The following SMCHD1 variants were observed in gnomAD, a reference collection of about 807,000 sequenced individuals.
SMCHD1 encodes structural maintenance of chromosomes flexible hinge domain-containing protein 1.
In SMCHD1, 78 loss-of-function variants were observed where a neutral mutation model predicts 254.7. The observed-to-expected ratio is 0.31, with a 90% CI of 0.26 to 0.37. SMCHD1 has a LOEUF of 0.37. Ranked by LOEUF, SMCHD1 falls within the 10% of genes least tolerant of loss-of-function variation. The probability of loss-of-function intolerance (pLI) is 1.00; values close to 1 mark genes in which losing one functional copy is unlikely to be tolerated. For synonymous variants in SMCHD1, 766 were observed against 794.9 expected (o/e 0.96, Z 0.61); for missense variants, 1,840 against 2,408.1 (o/e 0.76, Z 4.94).
At chr18:2,669,675 T>A (rs1035102859) in intron 3 of SMCHD1, among the ~76,000 whole-genome samples, 4 of 152,208 alleles carry the variant, frequency 2.6e-5, no homozygotes, top group African/African-American at 9.7e-5. Flanking sequence ...GAAATGGTCA[T>A]TTTTAGTTAA....
chr18:2,703,791 A>G lies in SMCHD1; in HGVS notation c.1747A>G (p.Ile583Val). Residue 583 changes from isoleucine (I) to valine (V), a missense_variant, in exon 13 of 48, where the codon ATT becomes GTT. Physicochemically the swap from Ile to Val is conservative, Grantham distance 29. This residue lies in a region of SMCHD1 where 498 missense variants were observed against 743.5 expected (regional missense o/e 0.67). Transcript: ENST00000320876. ...AAAATTTACACTTTTTAAGGGAGTAATTACACGTCCTGATCTTCCTTCTAA... is the reference window on the plus strand; with the variant it reads ...AAAATTTACACTTTTTAAGGGAGTAGTTACACGTCCTGATCTTCCTTCTAA... ...QIKFTLFKGVITRPDLPSKKQ... is the reference protein window; with the variant it reads ...QIKFTLFKGVVTRPDLPSKKQ... 6.2e-7 allele frequency: 1 copy of G among 1,613,046 alleles called. No homozygotes were observed. Among genetic ancestry groups the G allele is most frequent in the Non-Finnish European group, 8.5e-7 (1 of 1,179,292 alleles).
intron 35 of SMCHD1, among the ~76,000 whole-genome samples, chr18:2,761,226 A>G (rs988311552): frequency 2.0e-5 from 3 of 152,186 alleles, no homozygotes; most frequent in African/African-American, 7.2e-5. Flanking sequence ...ACACACGGAC[A>G]CAAAGATGGG....
At chr18:2,791,263 G>A (rs2076160047) in intron 45 of SMCHD1, among the ~76,000 whole-genome samples, 2 of 152,134 alleles carry the variant, frequency 1.3e-5, no homozygotes, top group Non-Finnish European at 2.9e-5. Flanking sequence ...TTCTCACCAA[G>A]ATGGAATAAC....
At chr18:2,763,854 A>G in intron 37 of SMCHD1, 65 bp downstream of exon 37, 2 of 1,438,014 alleles carry the variant, frequency 1.4e-6, no homozygotes, top group Admixed American at 2.2e-5. Context: ...CACCATATTA[A>G]GACACCTTTT....
At position 2,703,843 on chromosome 18, in the gene SMCHD1, CA is replaced by C; in HGVS notation, c.1800del (p.Ala601GlnfsTer2). 6.2e-7 allele frequency: 1 copy of C among 1,611,846 alleles called. No individual in the cohort carries two copies. The highest frequency in any genetic ancestry group is 8.5e-7 in the Non-Finnish European group (1 of 1,178,918). On this transcript the variant is annotated frameshift_variant, in exon 13 of 48. Coordinates refer to ENST00000320876, the MANE Select transcript of SMCHD1 (RefSeq NM_015295.3). LOFTEE classifies it high-confidence loss of function. ...AAGCAAGGTCCCTGGGCAACATATG[CA>C]GCAATAGAATGGGATGGAAAGATAT... Reference protein sequence around the residue: ...SKKQGPWATYAAIEWDGKIYK... With the variant: ...SKKQGPWATYXAIEWDGKIYK...
At chr18:2,690,916 G>C (rs1184703958) in intron 7 of SMCHD1, among the ~76,000 whole-genome samples, 1 of 148,520 alleles carries the variant, frequency 6.7e-6, no homozygotes, top group Non-Finnish European at 1.5e-5. Flanking sequence ...TCAAAAGAAT[G>C]AGAAGGGGAG....
intron 45 of SMCHD1, among the ~76,000 whole-genome samples, chr18:2,791,805 G>A (rs527840551): frequency 6.6e-6 from 1 of 152,290 alleles, no homozygotes; most frequent in Admixed American, 6.5e-5. Context: ...TCACAGACAG[G>A]TTACTGGGAA....
At chr18:2,742,460 C>A (rs913754643) in intron 28 of SMCHD1, among the ~76,000 whole-genome samples, 3 of 152,114 alleles carry the variant, frequency 2.0e-5, no homozygotes, top group Non-Finnish European at 4.4e-5. Flanking sequence ...AAATTTGGAA[C>A]CCTAAGATAG....
At chr18:2,693,668 GT>G (rs1229460498) in intron 7 of SMCHD1, among the ~76,000 whole-genome samples, 2 of 152,082 alleles carry the variant, frequency 1.3e-5, no homozygotes, top group Non-Finnish European at 2.9e-5. Flanking sequence ...AGACATGCTT[GT>G]TGCCCAGGCT....
At chr18:2,659,010 T>G (rs1314366406) in intron 1 of SMCHD1, among the ~76,000 whole-genome samples, 1 of 152,158 alleles carries the variant, frequency 6.6e-6, no homozygotes, top group East Asian at 1.9e-4. Context: ...ACTTTTGTCC[T>G]TAGGGGAAGA....
intron 17 of SMCHD1, among the ~76,000 whole-genome samples, chr18:2,710,925 A>G (rs542496545): frequency 7.6e-6 from 1 of 132,036 alleles, no homozygotes; most frequent in Admixed American, 8.1e-5. Flanking sequence ...CCAGATAATT[A>G]TGTAGGTTTA....
intron 42 of SMCHD1, among the ~76,000 whole-genome samples, chr18:2,777,083 CT>C (rs1273725008): frequency 2.7e-5 from 4 of 146,042 alleles, no homozygotes; most frequent in Non-Finnish European, 4.5e-5. Context: ...TACCCTAATA[CT>C]TTTTGTGAGA....
At chr18:2,678,252 T>G (rs28470373) in intron 5 of SMCHD1, among the ~76,000 whole-genome samples, 27,622 of 120,644 alleles carry the variant, frequency 0.23, 2,428 homozygotes, top group East Asian at 0.3. Context: ...TCGTTCTTTC[T>G]TTCTCTCTCT....
At chr18:2,777,741 T>C (rs566075092) in intron 42 of SMCHD1, 65 bp from the exon 43 acceptor site, 3 of 832,374 alleles carry the variant, frequency 3.6e-6, no homozygotes, top group Non-Finnish European at 1.9e-6. Flanking sequence ...GTTTTCCATA[T>C]TGTCTTTTTT....
Position 2,802,748 on chromosome 18 carries a change from T to G in SMCHD1, c.*196T>G, listed in dbSNP as rs550904227. On this transcript the variant is annotated 3_prime_UTR_variant, in exon 48 of 48. Transcript: ENST00000320876. The stretch of plus-strand genomic sequence containing the variant: ...CAATTTTATGAATCTTACTGGACAT[T>G]ATGGATTTACTGGAATTATTCCAGA... 69 of 458,450 alleles carry G rather than the reference T, an allele frequency of 1.5e-4. No individual in the cohort carries two copies. Among genetic ancestry groups the G allele is most frequent in the African/African-American group, 1.2e-3 (61 of 49,492 alleles). The allele number at this position is 458,450 out of a possible 1,614,324, so 28.4% of individuals were successfully genotyped here.
chr18:2,764,451 A>G (rs1331387791), intron 37 of SMCHD1, among the ~76,000 whole-genome samples: 1 of 152,188 alleles, frequency 6.6e-6, no homozygotes, highest in Non-Finnish European at 1.5e-5. Context: ...ATTAATGACC[A>G]CAGTTTATTT....
intron 1 of SMCHD1, among the ~76,000 whole-genome samples, chr18:2,660,477 T>TTTG (rs984973946): frequency 5.4e-5 from 8 of 149,098 alleles, no homozygotes; most frequent in African/African-American, 1.7e-4. Context: ...CCATGGTTTT[T>TTTG]TTTTTTTTTT....
At chr18:2,699,290 T>C (rs912620528) in intron 10 of SMCHD1, among the ~76,000 whole-genome samples, 3 of 152,188 alleles carry the variant, frequency 2.0e-5, no homozygotes, top group Non-Finnish European at 4.4e-5. Context: ...TATTAAGTGC[T>C]CCTGCCCAGT....
intron 28 of SMCHD1, 120 bp downstream of exon 28, chr18:2,740,941 A>G (rs1035442803): frequency 3.6e-5 from 21 of 576,296 alleles, no homozygotes; most frequent in Middle Eastern, 4.4e-4. Flanking sequence ...TTGAAAAGTC[A>G]TAAAAGGCAT....
Sources: allele counts gnomAD v4.1 joint callset (sites outside exome capture counted in the v4.1 genomes callset), GRCh38; gene constraint gnomAD v4.1.1; regional missense constraint gnomAD v4.1.1; transcripts MANE v1.5; gene names NCBI Gene and HGNC (gene_info 2026-07-23, HGNC 2026-07-21).